The following LAMA4 variants were observed in gnomAD, a reference collection of about 807,000 sequenced individuals.
LAMA4 encodes the protein laminin subunit alpha 4.
A neutral mutation model predicts 207.1 loss-of-function variants in LAMA4; 127 were observed. The observed-to-expected ratio is 0.61, with a 90% CI of 0.53 to 0.71. The LOEUF is 0.71. Ranked by LOEUF, LAMA4 falls within the 30% of genes least tolerant of loss-of-function variation. The pLI, the probability that LAMA4 is intolerant of heterozygous loss-of-function variation, is 0.00. For missense variants in LAMA4, 2,093 were observed against 2,246.5 expected (o/e 0.93, Z 1.38); for synonymous variants, 761 against 816.0 (o/e 0.93, Z 1.15).
chr6:112,123,781 A>G (rs1278166491), intron 31 of LAMA4, among the ~76,000 whole-genome samples: 1 of 152,156 alleles, frequency 6.6e-6, no homozygotes, highest in African/African-American at 2.4e-5. Flanking sequence ...CTCATGTCCT[A>G]AAGGAAAGCC....
intron 17 of LAMA4, among the ~76,000 whole-genome samples, chr6:112,150,061 T>G (rs1554335399): frequency 6.6e-6 from 1 of 152,168 alleles, no homozygotes; most frequent in African/African-American, 2.4e-5. Context: ...ATGGTAAGAA[T>G]GACTTGACAT....
At chr6:112,212,360 A>C (rs1784398175) in intron 3 of LAMA4, among the ~76,000 whole-genome samples, 1 of 151,616 alleles carries the variant, frequency 6.6e-6, no homozygotes, top group South Asian at 2.1e-4. Context: ...AGTAGCTGGG[A>C]TTACAGGCGC....
At chr6:112,190,949 TTTCTTTCTTTC>T (rs1783062956) in intron 6 of LAMA4, among the ~76,000 whole-genome samples, 1 of 86,246 alleles carries the variant, frequency 1.2e-5, no homozygotes, top group South Asian at 6.0e-4. Context: ...CTTTCTTTCC[TTTCTTTCTTTC>T]TTTCTTTCTT....
At chr6:112,187,650 G>T in intron 7 of LAMA4, 49 bp from the exon 8 acceptor site, 1 of 1,589,916 alleles carries the variant, frequency 6.3e-7, no homozygotes, top group South Asian at 1.1e-5. Context: ...GCATGCTAAA[G>T]GCAGGCCGTT....
intron 12 of LAMA4, among the ~76,000 whole-genome samples, chr6:112,167,028 G>A (rs185425189): frequency 5.5e-4 from 84 of 152,258 alleles, no homozygotes; most frequent in Admixed American, 1.3e-3. Context: ...ACAATCTCAT[G>A]TTCATCTGAT....
intron 3 of LAMA4, among the ~76,000 whole-genome samples, chr6:112,214,751 C>T (rs572632256): frequency 2.8e-4 from 42 of 152,282 alleles, no homozygotes; most frequent in Admixed American, 1.4e-3. Context: ...GCTAGCCCAT[C>T]CCTAAACATT....
At chr6:112,154,357 C>CAAAAAAAAAA (rs55988988) in intron 16 of LAMA4, among the ~76,000 whole-genome samples, 11 of 120,260 alleles carry the variant, frequency 9.1e-5, no homozygotes, top group African/African-American at 1.5e-4. Flanking sequence ...ACACAAACTA[C>CAAAAAAAAAA]AAAAAAAAAA....
At chr6:112,164,271 G>A in intron 13 of LAMA4, 1 of 152,558 alleles carries the variant, frequency 6.6e-6, no homozygotes, top group Non-Finnish European at 1.5e-5. Context: ...GAGGGGTACG[G>A]TAAAAAAGGC....
intron 5 of LAMA4, among the ~76,000 whole-genome samples, chr6:112,199,130 T>G (rs551236709): frequency 6.6e-6 from 1 of 152,164 alleles, no homozygotes; most frequent in African/African-American, 2.4e-5. Context: ...GCAGAGCTCA[T>G]GAGCATCCTA....
At chr6:112,128,257 T>C (rs1217751729) in intron 31 of LAMA4, among the ~76,000 whole-genome samples, 3 of 152,234 alleles carry the variant, frequency 2.0e-5, no homozygotes, top group African/African-American at 7.2e-5. Context: ...TGATTCAGAC[T>C]GTTCATTGGA....
rs1207343603 is a variant in LAMA4, at chr6:112,118,020, A to G, written c.4822-122T>C. ...TAATTCCTTGTTTCATTTATTTCAG[A>G]TATCTGAATGATCAGTACTTTCCTG... On this transcript the variant is annotated intron_variant, in intron 34 of 38. Transcript: ENST00000230538. This position sits in a 1 kb window ranked among gnomAD's most constrained non-coding sequence, Gnocchi z 4.6. 3 of 797,818 alleles carry G rather than the reference A, an allele frequency of 3.8e-6. No homozygotes were observed. Among genetic ancestry groups the G allele is most frequent in the South Asian group, 1.5e-5 (1 of 67,172 alleles). 49.4% of individuals were successfully genotyped at this position (797,818 alleles called of 1,614,324 possible). A position where few individuals can be genotyped will look rare whatever the true frequency, so the allele number is the denominator to read the frequency against.
Position 112,207,009 on chromosome 6 carries a change from T to A in LAMA4, c.422+12A>T. 1 of 1,613,612 alleles carries A rather than the reference T, an allele frequency of 6.2e-7. No homozygotes were observed. Among genetic ancestry groups the A allele is most frequent in the Non-Finnish European group, 8.5e-7 (1 of 1,179,820 alleles). ...TGATCATTAGAAGAGACCATCCTCC[T>A]TTAGGACTTACTTGGCCAAGTGGGG... On this transcript the variant is annotated intron_variant, in intron 4 of 38. Transcript: ENST00000230538.
At chr6:112,147,931 C>G (rs191401537) in intron 18 of LAMA4, among the ~76,000 whole-genome samples, 3 of 152,128 alleles carry the variant, frequency 2.0e-5, no homozygotes, top group African/African-American at 7.2e-5. Flanking sequence ...CTTTACCAAT[C>G]CATCTAGTGT....
intron 28 of LAMA4, among the ~76,000 whole-genome samples, chr6:112,132,288 T>G (rs1480085707): frequency 6.6e-6 from 1 of 152,204 alleles, no homozygotes; most frequent in Non-Finnish European, 1.5e-5. Flanking sequence ...TAAGATTCCA[T>G]AGCAGACCTA....
At position 112,178,207 on chromosome 6, in the gene LAMA4, T is replaced by C. The variant is rs1333653374; in HGVS notation, c.1103A>G (p.Gln368Arg). Residue 368 changes from glutamine to arginine, a missense_variant, in exon 10 of 39, where the codon CAA (glutamine) becomes CGA (arginine). Transcript: ENST00000230538. ...GTCCATGCTTTCCTTCTGAACAAGT[T>C]GTCCTTTTCTGGAGGCTTGATTTTC... The part of the protein sequence containing the change: ...EKENQASRKG[Q>R]LVQKESMDTI... The C allele has an allele frequency of 1.2e-6, 2 of 1,613,712 alleles. No individual in the cohort carries two copies. Among genetic ancestry groups the C allele is most frequent in the Non-Finnish European group, 1.7e-6 (2 of 1,179,756 alleles).
chr6:112,212,026 C>T (rs1784380125), intron 3 of LAMA4, among the ~76,000 whole-genome samples: 5 of 151,918 alleles, frequency 3.3e-5, no homozygotes, highest in Admixed American at 3.3e-4. Flanking sequence ...AGAGAGCTCT[C>T]TCCTAGTTTG....
At chr6:112,130,101 T>G (rs1199633977) in intron 29 of LAMA4, 61 bp from the exon 30 acceptor site, 25 of 1,400,700 alleles carry the variant, frequency 1.8e-5, no homozygotes, top group African/African-American at 4.3e-5. Flanking sequence ...TGACCCACTC[T>G]AGGTTGGATA....
Position 112,128,145 on chromosome 6 carries a change from T to C in LAMA4, c.4287+777A>G, listed in dbSNP as rs543728832. Among the ~76,000 whole-genome samples, 64 of 151,788 alleles carry C rather than the reference T, an allele frequency of 4.2e-4. 1 individual carries two copies. The highest frequency in any genetic ancestry group is 7.6e-4 in the Non-Finnish European group (52 of 68,018). On this transcript the variant is annotated intron_variant, in intron 31 of 38. Coordinates refer to ENST00000230538, the MANE Select transcript of LAMA4 (RefSeq NM_001105206.3). ...AAAAGCAAATGATACTAGAGAATTA[T>C]AGTACTAAATAATATGTATTATTTA...
chr6:112,131,040 T>C lies in LAMA4; in HGVS notation c.3896A>G (p.Lys1299Arg). The C allele has an allele frequency of 6.2e-7, 1 of 1,613,104 alleles. No individual in the cohort carries two copies. Among genetic ancestry groups the C allele is most frequent in the Non-Finnish European group, 8.5e-7 (1 of 1,179,216 alleles). Residue 1299 changes from lysine to arginine, a missense_variant, in exon 29 of 39, where the codon AAA (lysine) becomes AGA (arginine). Coordinates refer to ENST00000230538, the MANE Select transcript of LAMA4 (RefSeq NM_001105206.3). ...GTVIMDVKGIKVQSVDKQYND... is the reference protein window; with the variant it reads ...GTVIMDVKGIRVQSVDKQYND... ...GTACTGCTTATCTACTGACTGAACTTTGATTCCCTTTACATCCATGATGAC... is the reference window on the plus strand; with the variant it reads ...GTACTGCTTATCTACTGACTGAACTCTGATTCCCTTTACATCCATGATGAC...
Sources: allele counts gnomAD v4.1 joint callset (sites outside exome capture counted in the v4.1 genomes callset), GRCh38; gene constraint gnomAD v4.1.1; non-coding constraint Gnocchi (gnomAD v3.1); transcripts MANE v1.5; gene names NCBI Gene and HGNC (gene_info 2026-07-23, HGNC 2026-07-21).